MITF: variants seen among roughly 807,000 people sequenced by gnomAD.
The protein encoded by MITF is melanocyte inducing transcription factor.
In MITF, 17 loss-of-function variants were observed where a neutral mutation model predicts 60.5. That is an observed-to-expected ratio of 0.28 (90% CI 0.19 to 0.42). The LOEUF is 0.42. MITF is among the 10% of genes least tolerant of loss of function. The pLI, the probability that MITF is intolerant of heterozygous loss-of-function variation, is 1.00. For missense variants in MITF, 622 were observed against 683.5 expected (o/e 0.91, Z 1.00); for synonymous variants, 260 against 248.5 (o/e 1.05, Z -0.43).
At chr3:69,924,162 A>G (rs931678884) in intron 2 of MITF, among the ~76,000 whole-genome samples, 2 of 152,226 alleles carry the variant, frequency 1.3e-5, no homozygotes, top group Admixed American at 6.5e-5. Context: ...ATTCCTGATT[A>G]GATCAATGAG....
intron 1 of MITF, among the ~76,000 whole-genome samples, chr3:69,853,313 G>C (rs912518740): frequency 1.3e-5 from 2 of 152,056 alleles, no homozygotes; most frequent in African/African-American, 4.8e-5. Flanking sequence ...CTCTGACCCT[G>C]GTGGTACCTT....
intron 1 of MITF, among the ~76,000 whole-genome samples, chr3:69,785,842 G>T (rs2062639850): frequency 6.6e-6 from 1 of 152,124 alleles, no homozygotes; most frequent in African/African-American, 2.4e-5. Context: ...TAGAAAGATT[G>T]GGCTAGAGAA....
At chr3:69,877,950 C>A (rs1045650096) in intron 1 of MITF, among the ~76,000 whole-genome samples, 8 of 152,058 alleles carry the variant, frequency 5.3e-5, no homozygotes, top group African/African-American at 1.7e-4. Flanking sequence ...AGGTTTTGAA[C>A]CGTTGACCTA....
intron 1 of MITF, among the ~76,000 whole-genome samples, chr3:69,775,100 T>A (rs1322113949): frequency 1.3e-5 from 2 of 152,236 alleles, no homozygotes; most frequent in Admixed American, 1.3e-4. Context: ...GCCCCTCATC[T>A]GAATTAGGTT....
intron 1 of MITF, among the ~76,000 whole-genome samples, chr3:69,802,801 C>T (rs889260770): frequency 1.3e-5 from 2 of 150,882 alleles, no homozygotes; most frequent in Non-Finnish European, 2.9e-5. Context: ...CAGTGATTCT[C>T]CTGCCTCAGC....
chr3:69,832,861 A>G (rs1360391552), intron 1 of MITF, among the ~76,000 whole-genome samples: 3 of 151,876 alleles, frequency 2.0e-5, no homozygotes, highest in Non-Finnish European at 2.9e-5. Context: ...TTGTTTGCCT[A>G]TTTATACTGT....
At chr3:69,941,412 C>A in intron 5 of MITF, 81 bp downstream of exon 5, 1 of 820,630 alleles carries the variant, frequency 1.2e-6, no homozygotes, top group Non-Finnish European at 2.0e-6. Flanking sequence ...TTTATTTTAT[C>A]TTTGTAACTG....
chr3:69,896,874 G>T (rs1047065192), intron 2 of MITF, among the ~76,000 whole-genome samples: 2 of 152,194 alleles, frequency 1.3e-5, no homozygotes, highest in Non-Finnish European at 2.9e-5. Context: ...TTCAAACATT[G>T]CAGTTCAGCC....
chr3:69,950,182 C>T (rs1294351818), intron 6 of MITF, among the ~76,000 whole-genome samples: 1 of 151,924 alleles, frequency 6.6e-6, no homozygotes, highest in Non-Finnish European at 1.5e-5. Context: ...GTAATCTCAG[C>T]ACTTTGGGAA....
At chr3:69,836,976 A>G (rs2063550503) in intron 1 of MITF, among the ~76,000 whole-genome samples, 1 of 152,346 alleles carries the variant, frequency 6.6e-6, no homozygotes, top group East Asian at 1.9e-4. Context: ...CACTGGGCAC[A>G]GATACTGCAG....
chr3:69,783,026 T>A (rs980752402), intron 1 of MITF, among the ~76,000 whole-genome samples: 8 of 152,216 alleles, frequency 5.3e-5, no homozygotes, highest in East Asian at 1.9e-4. Flanking sequence ...GCTTTCAGTA[T>A]AATGTACTGT....
At chr3:69,836,865 G>C (rs752071026) in intron 1 of MITF, among the ~76,000 whole-genome samples, 1 of 152,110 alleles carries the variant, frequency 6.6e-6, no homozygotes, top group Non-Finnish European at 1.5e-5. Context: ...AGGAGCTCTG[G>C]GTCCCTGGAG....
chr3:69,847,184 C>T lies in MITF; in HGVS notation c.105-31950C>T, dbSNP rs141147199. 4.9e-3 allele frequency among the ~76,000 whole-genome samples: 750 copies of T among 152,210 alleles called. 8 individuals are homozygous for T. The highest frequency in any genetic ancestry group is 0.014 in the Middle Eastern group (4 of 294). On this transcript the variant is annotated intron_variant, in intron 1 of 9. Coordinates refer to ENST00000352241, the MANE Select transcript of MITF (RefSeq NM_001354604.2). Reference sequence around the variant, plus strand: ...AGGATTGTGTCTTAGTTGTTGTATCCGTTTTTTTCCCTTAGTGTATCCCAA... The same window carrying T: ...AGGATTGTGTCTTAGTTGTTGTATCTGTTTTTTTCCCTTAGTGTATCCCAA...
intron 1 of MITF, among the ~76,000 whole-genome samples, chr3:69,875,778 A>G (rs1036584477): frequency 6.6e-6 from 1 of 152,232 alleles, no homozygotes; most frequent in Non-Finnish European, 1.5e-5. Context: ...CTAGAAGGTG[A>G]TAATTGCAGA....
At chr3:69,868,517 T>C (rs1224258796) in intron 1 of MITF, among the ~76,000 whole-genome samples, 2 of 152,174 alleles carry the variant, frequency 1.3e-5, no homozygotes, top group Non-Finnish European at 2.9e-5. Flanking sequence ...CTGTAACTCA[T>C]TTGAGCTCTT....
chr3:69,899,663 G>C (rs920326158), intron 2 of MITF, among the ~76,000 whole-genome samples: 4 of 152,126 alleles, frequency 2.6e-5, no homozygotes, highest in Non-Finnish European at 4.4e-5. Context: ...ACTTATGCCT[G>C]CCTTGGCAGA....
At chr3:69,884,148 T>C (rs1361059210) in intron 2 of MITF, among the ~76,000 whole-genome samples, 1 of 152,186 alleles carries the variant, frequency 6.6e-6, no homozygotes, top group Non-Finnish European at 1.5e-5. Context: ...TGTTAACTTT[T>C]AACAGATTTA....
At chr3:69,767,001 A>G (rs1160913811) in intron 1 of MITF, among the ~76,000 whole-genome samples, 1 of 152,220 alleles carries the variant, frequency 6.6e-6, no homozygotes, top group Non-Finnish European at 1.5e-5. Context: ...AGCATGCACC[A>G]TTATCCCTCC....
Position 69,856,940 on chromosome 3 carries a change from T to G in MITF, c.105-22194T>G, listed in dbSNP as rs762089381. On this transcript the variant is annotated intron_variant, in intron 1 of 9. Coordinates refer to ENST00000352241, the MANE Select transcript of MITF (RefSeq NM_001354604.2). The stretch of plus-strand genomic sequence containing the variant: ...CATTCTCTGTTTTTTTGTGTGTGTT[T>G]TTTGTTCTGTTTTGTTTTTGTTTTT... 4.6e-5 allele frequency among the ~76,000 whole-genome samples: 7 copies of G among 152,282 alleles called. No individual in the cohort carries two copies. In the Middle Eastern group the frequency reaches 0.014, roughly 296 times the overall value.
Sources: gnomAD v4.1 joint callset for allele counts (sites outside exome capture counted in the v4.1 genomes callset) on GRCh38, gnomAD v4.1.1 for gene constraint, MANE v1.5 for transcripts, NCBI Gene and HGNC (gene_info 2026-07-23, HGNC 2026-07-21) for gene names.